CSRP1: variants seen among roughly 807,000 people sequenced by gnomAD.
CSRP1 encodes the protein cysteine and glycine-rich protein 1.
Under a neutral mutation model 25.4 loss-of-function variants are expected in CSRP1, and 16 were observed. That is an observed-to-expected ratio of 0.63 (90% CI 0.43 to 0.96). The LOEUF is 0.96. Ranked by LOEUF, CSRP1 falls within the 40% of genes least tolerant of loss-of-function variation. The pLI is 0.00. For missense variants in CSRP1, 212 were observed against 243.6 expected (o/e 0.87, Z 0.86); for synonymous variants, 97 against 95.3 (o/e 1.02, Z -0.10).
intron 1 of CSRP1, among the ~76,000 whole-genome samples, chr1:201,502,122 T>C (rs927444149): frequency 6.6e-6 from 1 of 152,198 alleles, no homozygotes; most frequent in African/African-American, 2.4e-5. Context: ...AGCCCCTTCT[T>C]ATCAAACCCT....
intron 1 of CSRP1, 74 bp downstream of exon 1, chr1:201,506,996 A>G (rs1018951769): frequency 6.6e-6 from 1 of 152,124 alleles, no homozygotes; most frequent in Non-Finnish European, 1.5e-5. Context: ...GGCTGGCAAG[A>G]CCGGGAGGCG....
At position 201,484,119 on chromosome 1, in the gene CSRP1, T is replaced by G. The variant is rs1664056989; in HGVS notation, c.*594A>C. On this transcript the variant is annotated 3_prime_UTR_variant, in exon 6 of 6. Coordinates refer to ENST00000340006, the MANE Select transcript of CSRP1 (RefSeq NM_004078.3). ...GGGAGGCTATCCATTCCACAAAGACTCAAAGGCAAGAGGCCTGGAGAAGCA... is the reference window on the plus strand; with the variant it reads ...GGGAGGCTATCCATTCCACAAAGACGCAAAGGCAAGAGGCCTGGAGAAGCA... 6.0e-6 allele frequency: 4 copies of G among 664,688 alleles called. No homozygotes were observed. The Admixed American group carries it at 6.1e-5, about 10-fold the overall frequency. 41.2% of individuals were successfully genotyped at this position (664,688 alleles called of 1,614,324 possible). A position where few individuals can be genotyped will look rare whatever the true frequency, so the allele number is the denominator to read the frequency against.
At chr1:201,492,110 G>A (rs1254673592) in intron 2 of CSRP1, 1 of 152,232 alleles carries the variant, frequency 6.6e-6, no homozygotes, top group East Asian at 1.9e-4. Flanking sequence ...AGGGTGGGAA[G>A]TCAGGAATTG....
intron 1 of CSRP1, among the ~76,000 whole-genome samples, chr1:201,497,022 C>A (rs1664534592): frequency 6.6e-6 from 1 of 152,150 alleles, no homozygotes; most frequent in Non-Finnish European, 1.5e-5. Flanking sequence ...CTATAGCTCA[C>A]CACAAGAAAA....
chr1:201,503,569 C>T (rs1233684199), intron 1 of CSRP1, among the ~76,000 whole-genome samples: 3 of 152,186 alleles, frequency 2.0e-5, no homozygotes, highest in Non-Finnish European at 4.4e-5. Flanking sequence ...GACTCAGACG[C>T]TGCCTTCTGG....
chr1:201,501,734 T>G (rs540385012), intron 1 of CSRP1, among the ~76,000 whole-genome samples: 1 of 152,318 alleles, frequency 6.6e-6, no homozygotes, highest in Non-Finnish European at 1.5e-5. Flanking sequence ...GGCTCACGCC[T>G]GTAATCCTTG....
At chr1:201,498,521 C>A (rs112133345) in intron 1 of CSRP1, among the ~76,000 whole-genome samples, 3,283 of 152,338 alleles carry the variant, frequency 0.022, 50 homozygotes, top group Middle Eastern at 0.044. Context: ...AGAGCCCACC[C>A]TCCTGGTAAC....
In CSRP1 at chr1:201,484,033, T is replaced by A; in HGVS notation, c.*680A>T. The stretch of plus-strand genomic sequence containing the variant: ...GCAGGGAACTAGATGTTTGAGAAGA[T>A]CAAACAACATCCTGACTTTGGGGTC... On this transcript the variant is annotated 3_prime_UTR_variant, in exon 6 of 6. Coordinates refer to ENST00000340006, the MANE Select transcript of CSRP1 (RefSeq NM_004078.3). The A allele has an allele frequency of 1.4e-6, 1 of 697,234 alleles. No individual in the cohort carries two copies. The allele number at this position is 697,234 out of a possible 1,614,324, so 43.2% of individuals were successfully genotyped here.
intron 1 of CSRP1, among the ~76,000 whole-genome samples, chr1:201,499,329 C>T (rs1664598602): frequency 6.6e-6 from 1 of 152,200 alleles, no homozygotes; most frequent in Non-Finnish European, 1.5e-5. Context: ...TGCCCCTTCC[C>T]CAGATGGAGG....
At position 201,484,247 on chromosome 1, in the gene CSRP1, T is replaced by A. The variant is rs1664060825; in HGVS notation, c.*466A>T. 1 of 507,778 alleles carries A rather than the reference T, an allele frequency of 2.0e-6. No homozygotes were observed. Among genetic ancestry groups the A allele is most frequent in the African/African-American group, 1.9e-5 (1 of 53,094 alleles). The allele number at this position is 507,778 out of a possible 1,614,324, so 31.5% of individuals were successfully genotyped here. ...CTGAGGGACACCAGGAAGCTCAACC[T>A]CTTTCCCACAGAGGAGAATCTCTGA... is the stretch of plus-strand genomic sequence containing the variant. On this transcript the variant is annotated 3_prime_UTR_variant, in exon 6 of 6. Coordinates refer to ENST00000340006, the MANE Select transcript of CSRP1 (RefSeq NM_004078.3).
chr1:201,506,347 A>G (rs1664824741), intron 1 of CSRP1, among the ~76,000 whole-genome samples: 1 of 152,196 alleles, frequency 6.6e-6, no homozygotes, highest in African/African-American at 2.4e-5. Context: ...TGGTTAGTTC[A>G]CAACAGCACC....
At chr1:201,498,009 CAA>C (rs528333486) in intron 1 of CSRP1, among the ~76,000 whole-genome samples, 6 of 131,862 alleles carry the variant, frequency 4.6e-5, no homozygotes, top group Admixed American at 1.5e-4. Context: ...GACTCCGTCT[CAA>C]AAAAAAAAAA....
At chr1:201,500,714 G>A (rs1349584273) in intron 1 of CSRP1, among the ~76,000 whole-genome samples, 1 of 152,228 alleles carries the variant, frequency 6.6e-6, no homozygotes, top group African/African-American at 2.4e-5. Context: ...AGGCTCAGCT[G>A]GAGGGAACCC....
intron 1 of CSRP1, among the ~76,000 whole-genome samples, chr1:201,498,647 G>C (rs1427738904): frequency 6.6e-6 from 1 of 152,236 alleles, no homozygotes; most frequent in Non-Finnish European, 1.5e-5. Context: ...AAGGGATCCA[G>C]GTCACGTTCA....
intron 1 of CSRP1, among the ~76,000 whole-genome samples, chr1:201,501,065 T>C (rs994560174): frequency 6.6e-6 from 1 of 152,220 alleles, no homozygotes; most frequent in Non-Finnish European, 1.5e-5. Flanking sequence ...TTTCTGAGTG[T>C]CAATTTGCTT....
intron 5 of CSRP1, 54 bp from the exon 6 acceptor site, chr1:201,484,843 C>A (rs1664081621): frequency 2.0e-6 from 3 of 1,487,432 alleles, no homozygotes; most frequent in South Asian, 1.2e-5. Context: ...CCCAGCCACA[C>A]CACCCACCCT....
intron 1 of CSRP1, among the ~76,000 whole-genome samples, chr1:201,506,265 T>A (rs3753989): frequency 0.58 from 88,596 of 151,952 alleles, 27,698 homozygotes; most frequent in Non-Finnish European, 0.71. Context: ...AGGGAGCAGC[T>A]GGTGGGTGGC....
intron 4 of CSRP1, chr1:201,487,262 A>C: frequency 5.0e-6 from 1 of 201,990 alleles, no homozygotes; most frequent in Non-Finnish European, 1.0e-5. Flanking sequence ...AAAATACAAA[A>C]ATTAGCTGGG....
At chr1:201,487,601 G>C (rs969243366) in intron 4 of CSRP1, 1 of 152,184 alleles carries the variant, frequency 6.6e-6, no homozygotes, top group Admixed American at 6.6e-5. Context: ...AGGCTGTCTA[G>C]AGTCCAAGCT....
Sources: gnomAD v4.1 joint callset for allele counts (sites outside exome capture counted in the v4.1 genomes callset) on GRCh38, gnomAD v4.1.1 for gene constraint, MANE v1.5 for transcripts, NCBI Gene and HGNC (gene_info 2026-07-23, HGNC 2026-07-21) for gene names.